The following TNC variants were observed in gnomAD, a reference collection of about 807,000 sequenced individuals.
TNC encodes tenascin C, also known as tenascin.
In TNC, 109 loss-of-function variants were observed where a neutral mutation model predicts 202.4. The observed-to-expected ratio is 0.54, with a 90% CI of 0.46 to 0.63. TNC has a LOEUF of 0.63. TNC is among the 30% of genes least tolerant of loss of function. The probability of loss-of-function intolerance (pLI) is 0.00; values close to 1 mark genes in which losing one functional copy is unlikely to be tolerated. For synonymous variants in TNC, 1,007 were observed against 1,089.7 expected (o/e 0.92, Z 1.50); for missense variants, 2,756 against 2,833.3 (o/e 0.97, Z 0.62).
At chr9:115,035,711 A>G (rs1221312765) in intron 21 of TNC, 3 of 262,444 alleles carry the variant, frequency 1.1e-5, no homozygotes, top group African/African-American at 6.5e-5. Context: ...GTTTGTAAAA[A>G]GCTCTCAATG....
In TNC at chr9:115,061,939, T is replaced by C. The variant is rs7028230; in HGVS notation, c.4033+978A>G. Among the ~76,000 whole-genome samples the C allele has an allele frequency of 9.3e-3, 1,417 of 152,336 alleles. 23 individuals carry two copies. The highest frequency in any genetic ancestry group is 0.032 in the African/African-American group (1,326 of 41,580). On this transcript the variant is annotated intron_variant, in intron 13 of 27. Coordinates refer to ENST00000350763, the MANE Select transcript of TNC (RefSeq NM_002160.4). ...CTTTCTTGGAAATGTCCCTGCTTTT[T>C]GTATCTGTTGAGGAGAGAGTCCTAG...
chr9:115,037,489 CA>C (rs1830419171), intron 20 of TNC, among the ~76,000 whole-genome samples: 2 of 152,120 alleles, frequency 1.3e-5, no homozygotes, highest in African/African-American at 4.8e-5. Flanking sequence ...TGATGGTTGC[CA>C]AACAAGAAAA....
At position 115,048,481 on chromosome 9, in the gene TNC, C is replaced by T. The variant is rs1831382559; in HGVS notation, c.4631G>A (p.Gly1544Glu). The T allele has an allele frequency of 6.2e-7, 1 of 1,613,900 alleles. No homozygotes were observed. Among genetic ancestry groups the T allele is most frequent in the Non-Finnish European group, 8.5e-7 (1 of 1,179,930 alleles). The change falls in exon 16 of 28, where the codon GGG (glycine) becomes GAG (glutamate). Residue 1544 changes from glycine to glutamate, a missense_variant. Gly to Glu is a moderately conservative substitution (Grantham distance 98). This residue lies in a region of TNC where 2,559 missense variants were observed against 2,546.0 expected (regional missense o/e 1.01). Coordinates refer to ENST00000350763, the MANE Select transcript of TNC (RefSeq NM_002160.4). ...CGATGCCATCCAGGAAACTGTGAAC[C>T]CGTAGGGATTAATGTCGGAAATGGT... is the stretch of plus-strand genomic sequence containing the variant. The part of the protein sequence containing the change: ...NLTISDINPY[G>E]FTVSWMASEN...
chr9:115,105,512 A>G (rs576728794), intron 1 of TNC, among the ~76,000 whole-genome samples: 18 of 152,310 alleles, frequency 1.2e-4, no homozygotes, highest in African/African-American at 4.3e-4. Context: ...AATTTAAATC[A>G]GGTGAACTGA....
At chr9:115,055,053 G>A (rs1025772446) in intron 15 of TNC, among the ~76,000 whole-genome samples, 3 of 152,130 alleles carry the variant, frequency 2.0e-5, no homozygotes, top group African/African-American at 7.2e-5. Flanking sequence ...GAAAAAGAGT[G>A]TAGATCTTTC....
At chr9:115,085,386 C>G (rs543262777) in intron 3 of TNC, among the ~76,000 whole-genome samples, 2 of 152,178 alleles carry the variant, frequency 1.3e-5, no homozygotes, top group African/African-American at 2.4e-5. Context: ...AATCTCACTG[C>G]GTATTCAATT....
chr9:115,040,880 T>C, intron 19 of TNC, 61 bp downstream of exon 19: 2 of 1,539,416 alleles, frequency 1.3e-6, no homozygotes, highest in Non-Finnish European at 1.8e-6. Flanking sequence ...TGGCATAGGA[T>C]GCACAAGTGA....
chr9:115,111,399 C>CTTTTTTTTTTTTTTTT (rs71375272), intron 1 of TNC, among the ~76,000 whole-genome samples: 8 of 71,364 alleles, frequency 1.1e-4, no homozygotes, highest in African/African-American at 3.6e-4. Context: ...CTCTCTCTCT[C>CTTTTTTTTTTTTTTTT]TTTTTTTTTT....
At chr9:115,081,692 A>G (rs950230940) in intron 6 of TNC, 80 bp downstream of exon 6, 2 of 1,497,342 alleles carry the variant, frequency 1.3e-6, no homozygotes, top group Non-Finnish European at 1.9e-6. Flanking sequence ...ATGCTATATG[A>G]GAAGGCACTT....
At chr9:115,115,407 G>T (rs1837389275) in intron 1 of TNC, among the ~76,000 whole-genome samples, 1 of 152,136 alleles carries the variant, frequency 6.6e-6, no homozygotes, top group African/African-American at 2.4e-5. Flanking sequence ...GTGAAACCTG[G>T]CTGTATCACT....
chr9:115,105,067 C>T (rs1398460453), intron 1 of TNC, among the ~76,000 whole-genome samples: 1 of 152,138 alleles, frequency 6.6e-6, no homozygotes, highest in Non-Finnish European at 1.5e-5. Context: ...GGATTTGCAT[C>T]AGAAGGAGCC....
chr9:115,110,162 G>GA (rs1167288927), intron 1 of TNC, among the ~76,000 whole-genome samples: 1 of 152,018 alleles, frequency 6.6e-6, no homozygotes, highest in Non-Finnish European at 1.5e-5. Flanking sequence ...ATGAATAGGT[G>GA]AAAAACATAA....
rs771103360 is a variant in TNC, at chr9:115,086,082, T to C, written c.1649A>G (p.His550Arg). 1.9e-6 allele frequency: 3 copies of C among 1,613,546 alleles called. No individual in the cohort carries two copies. Among genetic ancestry groups the C allele is most frequent in the South Asian group, 1.1e-5 (1 of 91,064 alleles). The stretch of plus-strand genomic sequence containing the variant: ...GCAGTCTTTGCCCATAAATCCTTCA[T>C]GGCACACGCACTGCCCATTCACACA... ...GRCVNGQCVC[H>R]EGFMGKDCKE... is the part of the protein sequence containing the mutation. The change falls in exon 3 of 28, where the codon CAT (histidine) becomes CGT (arginine). Residue 550 changes from histidine (H) to arginine (R), a missense_variant. Coordinates refer to ENST00000350763, the MANE Select transcript of TNC (RefSeq NM_002160.4).
At chr9:115,098,888 T>C (rs1588208436) in intron 1 of TNC, among the ~76,000 whole-genome samples, 1 of 151,750 alleles carries the variant, frequency 6.6e-6, no homozygotes, top group South Asian at 2.1e-4. Context: ...AAATTCCTTT[T>C]TGGAATGTGT....
At chr9:115,101,368 C>T (rs1230884865) in intron 1 of TNC, among the ~76,000 whole-genome samples, 7 of 152,136 alleles carry the variant, frequency 4.6e-5, no homozygotes, top group Non-Finnish European at 1.0e-4. Context: ...CCCACCACCA[C>T]GCTCAGCTAA....
intron 25 of TNC, among the ~76,000 whole-genome samples, chr9:115,027,125 A>AT: frequency 6.6e-6 from 1 of 151,808 alleles, no homozygotes; most frequent in Non-Finnish European, 1.5e-5. Context: ...CAAAAAAAAA[A>AT]AAAAAAGGGC....
At chr9:115,033,692 T>G (rs1830112809) in intron 22 of TNC, among the ~76,000 whole-genome samples, 1 of 152,344 alleles carries the variant, frequency 6.6e-6, no homozygotes, top group South Asian at 2.1e-4. Flanking sequence ...TATGACAGAT[T>G]GGATACAGCC....
chr9:115,049,836 T>A (rs1039975340), intron 15 of TNC, among the ~76,000 whole-genome samples: 3 of 152,130 alleles, frequency 2.0e-5, no homozygotes, highest in African/African-American at 7.2e-5. Context: ...CCATGAGACA[T>A]AAAGAAAAAT....
intron 1 of TNC, among the ~76,000 whole-genome samples, chr9:115,104,019 T>C (rs1564150751): frequency 6.6e-6 from 1 of 152,210 alleles, no homozygotes; most frequent in African/African-American, 2.4e-5. Context: ...CTGGTTTCAA[T>C]TTTTGAAATA....
Sources: gnomAD v4.1 joint callset for allele counts (sites outside exome capture counted in the v4.1 genomes callset) on GRCh38, gnomAD v4.1.1 for gene constraint, gnomAD v4.1.1 regional missense constraint, MANE v1.5 for transcripts, NCBI Gene and HGNC (gene_info 2026-07-23, HGNC 2026-07-21) for gene names.